CYFIP1: variants seen among roughly 807,000 people sequenced by gnomAD.
The protein encoded by CYFIP1 is cytoplasmic FMR1 interacting protein 1.
In CYFIP1, 58 loss-of-function variants were observed where a neutral mutation model predicts 163.5. The observed-to-expected ratio is 0.35, with a 90% confidence interval of 0.29 to 0.44. The LOEUF (loss-of-function observed/expected upper bound fraction) is 0.44, where lower values mean the gene tolerates loss of function less well. CYFIP1 is among the 20% of genes least tolerant of loss of function. The probability of loss-of-function intolerance (pLI) is 1.00; values close to 1 mark genes in which losing one functional copy is unlikely to be tolerated. For missense variants in CYFIP1, 1,338 were observed against 1,653.8 expected (o/e 0.81, Z 3.31); for synonymous variants, 663 against 660.7 (o/e 1.00, Z -0.05).
Position 22,937,211 on chromosome 15 carries a change from G to C in CYFIP1, c.796-3C>G. On this transcript the variant is annotated splice_region_variant and splice_polypyrimidine_tract_variant and intron_variant, in intron 8 of 30. Coordinates refer to ENST00000617928, the MANE Select transcript of CYFIP1 (RefSeq NM_014608.6). Reference sequence around the variant, plus strand: ...AGGTACAGACCAAATCCCATGACCTGAAAAGCCACAAAATGAATGATGCGA... The same window carrying C: ...AGGTACAGACCAAATCCCATGACCTCAAAAGCCACAAAATGAATGATGCGA... 1.3e-6 allele frequency: 2 copies of C among 1,579,238 alleles called. No individual in the cohort carries two copies. Among genetic ancestry groups the C allele is most frequent in the South Asian group, 2.2e-5 (2 of 90,136 alleles).
intron 22 of CYFIP1, among the ~76,000 whole-genome samples, chr15:22,894,115 T>C (rs751900637): frequency 6.6e-6 from 1 of 152,016 alleles, no homozygotes; most frequent in Non-Finnish European, 1.5e-5. Context: ...CCACCTCCGA[T>C]GGTGACACAC....
rs947951474 is a variant in CYFIP1, at chr15:22,918,010, C to A, written c.1527-75G>T. The stretch of plus-strand genomic sequence containing the variant: ...GCCTCACAATCACACCATCTCCTCA[C>A]CCAACTACAAGGCTCTCAGAACAGC... On this transcript the variant is annotated intron_variant, in intron 14 of 30. Transcript: ENST00000617928. The A allele has an allele frequency of 5.9e-6, 9 of 1,519,732 alleles. No individual in the cohort carries two copies. The Admixed American group carries it at 1.6e-4, about 27-fold the overall frequency. 94.1% of individuals were successfully genotyped at this position (1,519,732 alleles called of 1,614,324 possible).
chr15:22,955,150 C>T (rs1286589846), intron 1 of CYFIP1, among the ~76,000 whole-genome samples: 2 of 152,212 alleles, frequency 1.3e-5, no homozygotes, highest in Non-Finnish European at 2.9e-5. Flanking sequence ...TCCATGGGTC[C>T]ACCTCCTTTC....
Position 22,947,182 on chromosome 15 carries a change from G to A in CYFIP1, c.104C>T (p.Ser35Leu), listed in dbSNP as rs765387243. ...QQPCIEPPPS[S>L]LLYQPNFNTN... ...CTGGGCACCCACCTGGTAGAGCAGC[G>A]AGGATGGCGGGGGCTCGATGCAGGG... Residue 35 changes from serine (S) to leucine (L), a missense_variant, in exon 2 of 31, where the codon TCG becomes TTG. Around this residue, in one of 4 missense-constraint regions of CYFIP1, gnomAD observed 186 missense variants for 288.3 expected, o/e 0.65. Transcript: ENST00000617928. 2.2e-5 allele frequency: 36 copies of A among 1,613,984 alleles called. No individual in the cohort carries two copies. The highest frequency in any genetic ancestry group is 3.3e-5 in the South Asian group (3 of 91,086).
chr15:22,934,177 CTTTTTTTTTT>C (rs1163626431), intron 9 of CYFIP1, among the ~76,000 whole-genome samples: 47 of 66,162 alleles, frequency 7.1e-4, no homozygotes, highest in African/African-American at 2.5e-3. Context: ...GCATTTCTTT[CTTTTTTTTTT>C]TTTTTTTTTT....
At chr15:22,870,913 T>G (rs575930163) in intron 30 of CYFIP1, among the ~76,000 whole-genome samples, 5 of 152,126 alleles carry the variant, frequency 3.3e-5, no homozygotes, top group Non-Finnish European at 7.4e-5. Context: ...GAACACGAAT[T>G]AAGAACATAC....
In CYFIP1 at chr15:22,917,453, G is replaced by A. The variant is rs572741752; in HGVS notation, c.1674+335C>T. 6 of 529,116 alleles carry A rather than the reference G, an allele frequency of 1.1e-5. No homozygotes were observed. The highest frequency in any genetic ancestry group is 3.9e-5 in the African/African-American group (2 of 50,704). 32.8% of individuals were successfully genotyped at this position (529,116 alleles called of 1,614,324 possible). ...ATCTACAGTCATTTGCAGACCCAAC[G>A]TAAAAATTATACAGACATTCAAACA... On this transcript the variant is annotated intron_variant, in intron 15 of 30. Coordinates refer to ENST00000617928, the MANE Select transcript of CYFIP1 (RefSeq NM_014608.6). This position sits in a 1 kb window ranked among gnomAD's most constrained non-coding sequence, Gnocchi z 4.2.
rs901860750 is a variant in CYFIP1 at position 22,910,060 on chromosome 15, C to T, written c.2268+460G>A. On this transcript the variant is annotated intron_variant, in intron 20 of 30. Coordinates refer to ENST00000617928, the MANE Select transcript of CYFIP1 (RefSeq NM_014608.6). ...TGTGTGTGAGGTGACCCAATAGAAA[C>T]GGTGTGTCTTTCAATGCCTAACAAT... 5.3e-5 allele frequency among the ~76,000 whole-genome samples: 8 copies of T among 152,142 alleles called. No homozygotes were observed. In the East Asian group the frequency reaches 9.6e-4, roughly 18 times the overall value.
chr15:22,972,149 A>G (rs2063120858), intron 1 of CYFIP1, among the ~76,000 whole-genome samples: 1 of 152,164 alleles, frequency 6.6e-6, no homozygotes, highest in South Asian at 2.1e-4. Context: ...AGAATATACT[A>G]CAGAGGCTGG....
At chr15:22,898,293 T>TC (rs2060295180) in intron 22 of CYFIP1, among the ~76,000 whole-genome samples, 1 of 152,150 alleles carries the variant, frequency 6.6e-6, no homozygotes, top group Non-Finnish European at 1.5e-5. Flanking sequence ...AGAGTCTCAC[T>TC]CTGTCACCCA....
intron 1 of CYFIP1, among the ~76,000 whole-genome samples, chr15:22,972,616 T>A (rs1224986451): frequency 6.6e-6 from 1 of 152,122 alleles, no homozygotes; most frequent in Non-Finnish European, 1.5e-5. Flanking sequence ...AAAGGATAGG[T>A]TCTTCAATAA....
chr15:22,921,487 G>A (rs1396476642), intron 13 of CYFIP1, among the ~76,000 whole-genome samples: 7 of 151,812 alleles, frequency 4.6e-5, no homozygotes, highest in Non-Finnish European at 8.8e-5. Context: ...CAGTAAAACT[G>A]ACAAATGCTT....
At chr15:22,887,548 C>T (rs867829636) in intron 23 of CYFIP1, among the ~76,000 whole-genome samples, 6 of 152,268 alleles carry the variant, frequency 3.9e-5, no homozygotes, top group East Asian at 1.9e-4. Flanking sequence ...TTCTCAGACC[C>T]GCCCTGACTG....
intron 13 of CYFIP1, among the ~76,000 whole-genome samples, chr15:22,920,159 CTTTTTTTTTTT>C (rs71117470): frequency 1.3e-5 from 1 of 75,520 alleles, no homozygotes; most frequent in African/African-American, 5.4e-5. Context: ...ATTAAGGCAG[CTTTTTTTTTTT>C]TTTTTTTTTT....
At chr15:22,903,129 T>C (rs1211628146) in intron 22 of CYFIP1, among the ~76,000 whole-genome samples, 1 of 152,152 alleles carries the variant, frequency 6.6e-6, no homozygotes, top group Non-Finnish European at 1.5e-5. Flanking sequence ...CCCCAGGCTG[T>C]TGGTGTCTAT....
At chr15:22,900,565 A>AT (rs1461919362) in intron 22 of CYFIP1, among the ~76,000 whole-genome samples, 1 of 151,556 alleles carries the variant, frequency 6.6e-6, no homozygotes, top group Non-Finnish European at 1.5e-5. Flanking sequence ...CACCCAGCTA[A>AT]TTTTTTTGTA....
Position 22,912,324 on chromosome 15 carries a change from C to A in CYFIP1, c.1986-49G>T, listed in dbSNP as rs1239365369. The A allele has an allele frequency of 2.1e-6, 3 of 1,405,880 alleles. No homozygotes were observed. The African/African-American group carries it at 4.4e-5, about 20-fold the overall frequency. 87.1% of individuals were successfully genotyped at this position (1,405,880 alleles called of 1,614,324 possible). ...ACCAGCAGCCTCTGCCACTCACTCG[C>A]AGCTCCGACAGCCTCGCCCCACCTC... On this transcript the variant is annotated intron_variant, in intron 17 of 30. Transcript: ENST00000617928.
At chr15:22,924,548 G>A (rs1477530247) in intron 13 of CYFIP1, among the ~76,000 whole-genome samples, 1 of 152,196 alleles carries the variant, frequency 6.6e-6, no homozygotes, top group Non-Finnish European at 1.5e-5. Flanking sequence ...TACAGGGTCA[G>A]AAAGCAGAGT....
chr15:22,959,666 G>C (rs2062608868), intron 1 of CYFIP1, among the ~76,000 whole-genome samples: 1 of 152,184 alleles, frequency 6.6e-6, no homozygotes, highest in Non-Finnish European at 1.5e-5. Context: ...GAAGGAAAGG[G>C]AACTGGCTGC....
Sources: gnomAD v4.1 joint callset for allele counts (sites outside exome capture counted in the v4.1 genomes callset) on GRCh38, gnomAD v4.1.1 for gene constraint, gnomAD v4.1.1 regional missense constraint, Gnocchi (gnomAD v3.1) non-coding constraint, MANE v1.5 for transcripts, NCBI Gene and HGNC (gene_info 2026-07-23, HGNC 2026-07-21) for gene names.